PCNX4: variants seen among roughly 807,000 people sequenced by gnomAD.
PCNX4 encodes the protein pecanex-like protein 4.
PCNX4 carries 103 observed loss-of-function variants against 107.2 expected under a neutral mutation model. That is an observed-to-expected ratio of 0.96 (90% CI 0.82 to 1.13). The LOEUF (loss-of-function observed/expected upper bound fraction) is 1.13. PCNX4 is among the 50% of genes most tolerant of loss of function. The probability of loss-of-function intolerance (pLI) is 0.00; values close to 1 mark genes in which losing one functional copy is unlikely to be tolerated. For synonymous variants in PCNX4, 541 were observed against 481.7 expected, an observed-to-expected ratio of 1.12 and a Z score of -1.61; for missense variants, 1,528 against 1,379.4, an observed-to-expected ratio of 1.11 and a Z score of -1.71.
chr14:60,105,171 A>C (rs567046553), intron 1 of PCNX4, among the ~76,000 whole-genome samples: 1 of 152,206 alleles, frequency 6.6e-6, no homozygotes, highest in Non-Finnish European at 1.5e-5. Context: ...TGTGATGCCT[A>C]ACCTGTAGTA....
At chr14:60,121,340 C>A in intron 8 of PCNX4, 41 bp downstream of exon 8, 2 of 1,582,180 alleles carry the variant, frequency 1.3e-6, no homozygotes, top group South Asian at 2.3e-5. Context: ...TTTTATAGTT[C>A]ATGTGTAAAA....
intron 10 of PCNX4, among the ~76,000 whole-genome samples, chr14:60,130,529 C>G (rs1203426839): frequency 2.0e-5 from 3 of 152,054 alleles, no homozygotes; most frequent in Non-Finnish European, 4.4e-5. Context: ...ACAAGAATGT[C>G]TACCCTTACC....
chr14:60,121,653 C>G lies in PCNX4; in HGVS notation c.2046+354C>G, dbSNP rs531393489. On this transcript the variant is annotated intron_variant, in intron 8 of 10. Coordinates refer to ENST00000406854, the MANE Select transcript of PCNX4 (RefSeq NM_001330177.2). ...AAAAACTGTCTTCTAATCCTACTGC[C>G]CCTACCTGCTATACCCTATTTGTCT... Among the ~76,000 whole-genome samples, 74 of 152,158 alleles carry G rather than the reference C, an allele frequency of 4.9e-4. 1 individual carries two copies. The Middle Eastern group carries it at 0.02, about 42-fold the overall frequency.
At chr14:60,104,780 A>G (rs141885082) in intron 1 of PCNX4, among the ~76,000 whole-genome samples, 266 of 152,286 alleles carry the variant, frequency 1.7e-3, no homozygotes, top group Admixed American at 4.1e-3. Flanking sequence ...CCATGATTCA[A>G]TTATCTCCCA....
chr14:60,121,470 A>G (rs925576405), intron 8 of PCNX4, among the ~76,000 whole-genome samples, 171 bp downstream of exon 8: 1 of 152,152 alleles, frequency 6.6e-6, no homozygotes, highest in Non-Finnish European at 1.5e-5. Context: ...TGATAGGTGG[A>G]CTAATGTTAA....
chr14:60,140,865 G>A lies in PCNX4; in HGVS notation c.*6644G>A, dbSNP rs1407475010. ...TGCACATAAGATGTTCAGAGTCAGA[G>A]ATAGATTTCTTATTACTCAGGGTAA... On this transcript the variant is annotated 3_prime_UTR_variant, in exon 11 of 11. Transcript: ENST00000406854. The surrounding 1 kb of genome is among the most constrained non-coding windows in gnomAD (Gnocchi z 4.2). 1.3e-5 allele frequency: 2 copies of A among 152,128 alleles called. No individual in the cohort carries two copies. The highest frequency in any genetic ancestry group is 2.9e-5 in the Non-Finnish European group (2 of 68,020). 9.4% of individuals were successfully genotyped at this position (152,128 alleles called of 1,614,324 possible). A position where few individuals can be genotyped will look rare whatever the true frequency, so the allele number is the denominator to read the frequency against.
intron 1 of PCNX4, among the ~76,000 whole-genome samples, chr14:60,096,996 GTTGTTAAATTC>G (rs1895437900): frequency 6.6e-6 from 1 of 152,180 alleles, no homozygotes. Context: ...TAGCACACCT[GTTGTTAAATTC>G]TAGTCTTGCC....
chr14:60,109,286 C>T (rs775986993), intron 2 of PCNX4: 1 of 167,112 alleles, frequency 6.0e-6, no homozygotes, highest in Admixed American at 6.5e-5. Flanking sequence ...GTTTAAGCCA[C>T]TCAGCTTATG....
intron 2 of PCNX4, among the ~76,000 whole-genome samples, chr14:60,113,838 A>T (rs1200376181): frequency 6.6e-6 from 1 of 152,206 alleles, no homozygotes; most frequent in Non-Finnish European, 1.5e-5. Flanking sequence ...CATTATTTTT[A>T]AAAATTTAGT....
intron 10 of PCNX4, among the ~76,000 whole-genome samples, chr14:60,132,571 C>T (rs2140569588): frequency 6.6e-6 from 1 of 152,012 alleles, no homozygotes; most frequent in African/African-American, 2.4e-5. Flanking sequence ...AGATATGACA[C>T]CAAAAGCATG....
chr14:60,109,232 A>G (rs1244689778), intron 2 of PCNX4: 2 of 167,098 alleles, frequency 1.2e-5, no homozygotes, highest in Non-Finnish European at 2.9e-5. Flanking sequence ...CAGCCTGATC[A>G]TGGTCTTTCG....
rs1158541635 is a variant in PCNX4, at chr14:60,147,269, GATAA to G, written c.*13053_*13056del. 6.6e-6 allele frequency: 1 copy of G among 152,066 alleles called. No homozygotes were observed. The highest frequency in any genetic ancestry group is 1.5e-5 in the Non-Finnish European group (1 of 68,022). The allele number at this position is 152,066 out of a possible 1,614,324, so 9.4% of individuals were successfully genotyped here. A position where few individuals can be genotyped will look rare whatever the true frequency, so the allele number is the denominator to read the frequency against. ...AAATGGTAGATATTTTCAGTTATAA[GATAA>G]ATAACTTATGTTATTATAATTTACA... On this transcript the variant is annotated 3_prime_UTR_variant, in exon 11 of 11. Coordinates refer to ENST00000406854, the MANE Select transcript of PCNX4 (RefSeq NM_001330177.2).
rs746884708 is a variant in PCNX4, at chr14:60,115,330, A to G, written c.1226A>G (p.Gln409Arg). 1 of 1,608,206 alleles carries G rather than the reference A, an allele frequency of 6.2e-7. No homozygotes were observed. The highest frequency in any genetic ancestry group is 1.7e-5 in the Admixed American group (1 of 59,514). ...LIILWILREI[Q>R]SVYIIGIFRN... The stretch of plus-strand genomic sequence containing the variant: ...ATACTGTGGATACTTAGAGAAATTC[A>G]AAGCGTATATATCATTGGAATTTTC... The change falls in exon 4 of 11, where the codon CAA becomes CGA. Residue 409 changes from glutamine (Q) to arginine (R), a missense_variant. Transcript: ENST00000406854.
chr14:60,099,795 G>A lies in PCNX4; in HGVS notation c.-54+7376G>A, dbSNP rs73310109. ...GTAATGGTCAGGTGCAGTGGCTCAT[G>A]CCTGTAATCCCTAATTCCAGCACTT... On this transcript the variant is annotated intron_variant, in intron 1 of 10. Coordinates refer to ENST00000406854, the MANE Select transcript of PCNX4 (RefSeq NM_001330177.2). Among the ~76,000 whole-genome samples the A allele has an allele frequency of 2.9e-3, 443 of 152,288 alleles. 3 individuals carry two copies. The highest frequency in any genetic ancestry group is 0.01 in the African/African-American group (425 of 41,558).
intron 10 of PCNX4, among the ~76,000 whole-genome samples, chr14:60,131,188 T>C (rs1896148643): frequency 6.6e-6 from 1 of 152,184 alleles, no homozygotes; most frequent in African/African-American, 2.4e-5. Flanking sequence ...TAGTCTATGG[T>C]ATTTAGTTAT....
At chr14:60,107,558 G>T (rs540515095) in intron 1 of PCNX4, 28 bp from the exon 2 acceptor site, 12 of 1,235,544 alleles carry the variant, frequency 9.7e-6, no homozygotes, top group African/African-American at 1.5e-5. Context: ...TTTTCAAACA[G>T]TGACTTTTTT....
rs1896443447 is a variant in PCNX4 at position 60,147,701 on chromosome 14, T to C, written c.*13480T>C. On this transcript the variant is annotated 3_prime_UTR_variant, in exon 11 of 11. Coordinates refer to ENST00000406854, the MANE Select transcript of PCNX4 (RefSeq NM_001330177.2). ...TGTGACTGGGCACTATTATCATCAT[T>C]AATCTCCATCTTATATTAATAGATG... 1 of 152,184 alleles carries C rather than the reference T, an allele frequency of 6.6e-6. No homozygotes were observed. Among genetic ancestry groups the C allele is most frequent in the Non-Finnish European group, 1.5e-5 (1 of 68,044 alleles). 9.4% of individuals were successfully genotyped at this position (152,184 alleles called of 1,614,324 possible). A position where few individuals can be genotyped will look rare whatever the true frequency, so the allele number is the denominator to read the frequency against.
At chr14:60,106,346 A>G (rs1307648765) in intron 1 of PCNX4, among the ~76,000 whole-genome samples, 2 of 152,212 alleles carry the variant, frequency 1.3e-5, no homozygotes, top group Non-Finnish European at 2.9e-5. Flanking sequence ...ATACTATGTA[A>G]ATGCTATATA....
Position 60,121,261 on chromosome 14 carries a change from CTGGAATG to C in PCNX4, c.2012_2018del (p.Glu671AlafsTer12). 5.2e-6 allele frequency: 8 copies of C among 1,550,788 alleles called. No individual in the cohort carries two copies. Among genetic ancestry groups the C allele is most frequent in the Non-Finnish European group, 7.0e-6 (8 of 1,145,528 alleles). On this transcript the variant is annotated frameshift_variant, in exon 8 of 11. Coordinates refer to ENST00000406854, the MANE Select transcript of PCNX4 (RefSeq NM_001330177.2). LOFTEE classifies it high-confidence loss of function. ...GGATCGTTTAATGTGGATAATGATT[CTGGAATG>C]TGGCTATACTTACTGCTCTATTAAC...
Sources: allele counts gnomAD v4.1 joint callset (sites outside exome capture counted in the v4.1 genomes callset), GRCh38; gene constraint gnomAD v4.1.1; non-coding constraint Gnocchi (gnomAD v3.1); transcripts MANE v1.5; gene names NCBI Gene and HGNC (gene_info 2026-07-23, HGNC 2026-07-21).